The following COMP variants were observed in gnomAD, a reference collection of about 807,000 sequenced individuals.
The protein encoded by COMP is cartilage oligomeric matrix protein (pseudoachondroplasia, epiphyseal dysplasia 1, multiple).
A neutral mutation model predicts 95.8 loss-of-function variants in COMP; 79 were observed. That is an observed-to-expected ratio of 0.82 (90% CI 0.69 to 0.99). The LOEUF (loss-of-function observed/expected upper bound fraction) is 0.99, where lower values mean the gene tolerates loss of function less well. Among genes scored for constraint, COMP ranks in the 50% least tolerant of loss-of-function variants. The pLI, the probability that COMP is intolerant of heterozygous loss-of-function variation, is 0.00. For missense variants in COMP, 906 were observed against 1,076.1 expected (o/e 0.84, Z 2.21); for synonymous variants, 438 against 433.9 (o/e 1.01, Z -0.12).
chr19:18,790,119 G>C lies in COMP; in HGVS notation c.218-5C>G, dbSNP rs776503662. The C allele has an allele frequency of 1.1e-4, 164 of 1,519,318 alleles. 1 individual carries two copies. Among genetic ancestry groups the C allele is most frequent in the South Asian group, 5.0e-4 (41 of 82,106 alleles). 94.1% of individuals were successfully genotyped at this position (1,519,318 alleles called of 1,614,324 possible). ...TGCGTACTGACTGCTGCATCCCTGC[G>C]GGGGGGAGGGGGGAGAAGCGGCGGG... is the stretch of plus-strand genomic sequence containing the variant. On this transcript the variant is annotated splice_polypyrimidine_tract_variant and splice_region_variant and intron_variant, in intron 3 of 18. Transcript: ENST00000222271.
rs1446036043 is a variant in COMP at position 18,788,414 on chromosome 19, C to T, written c.863G>A (p.Arg288His). ...CCCCGCTCCGCCCCCACCCACCTTACGGCACTGGCGCTCCGGGCAGCGCAG... is the reference window on the plus strand; with the variant it reads ...CCCCGCTCCGCCCCCACCCACCTTATGGCACTGGCGCTCCGGGCAGCGCAG... ...EKLRCPERQC[R>H]KDNCVTVPNS... The change falls in exon 8 of 19, where the codon CGT (arginine) becomes CAT (histidine). Residue 288 changes from arginine (R) to histidine (H), a missense_variant. Coordinates refer to ENST00000222271, the MANE Select transcript of COMP (RefSeq NM_000095.3). This position sits in a 1 kb window ranked among gnomAD's most constrained non-coding sequence, Gnocchi z 4.7. 8.5e-6 allele frequency: 6 copies of T among 704,372 alleles called. No homozygotes were observed. Among genetic ancestry groups the T allele is most frequent in the Non-Finnish European group, 1.2e-5 (5 of 423,428 alleles). The allele number at this position is 704,372 out of a possible 1,614,324, so 43.6% of individuals were successfully genotyped here.
Position 18,788,736 on chromosome 19 carries a change from G to T in COMP, c.618C>A (p.Cys206Ter). The T allele has an allele frequency of 1.3e-6, 2 of 1,556,324 alleles. No homozygotes were observed. Among genetic ancestry groups the T allele is most frequent in the Non-Finnish European group, 1.7e-6 (2 of 1,150,918 alleles). The change falls in exon 7 of 19, where the codon TGC becomes TGA. Residue 206 changes from cysteine (C) to a stop codon, truncating the protein, a stop_gained. Transcript: ENST00000222271. LOFTEE classifies it high-confidence loss of function. This position sits in a 1 kb window ranked among gnomAD's most constrained non-coding sequence, Gnocchi z 4.7. ...VCINTRGSFQ[C>*]GPCQPGFVGD... ...CCACGAAGCCGGGCTGGCACGGGCC[G>T]CACTGGAAGGAGCCCTGCGCCGGAG...
rs754522846 is a variant in COMP, at chr19:18,787,527, G to A, written c.1099C>T (p.Arg367Trp). 9 of 1,612,662 alleles carry A rather than the reference G, an allele frequency of 5.6e-6. No individual in the cohort carries two copies. Among genetic ancestry groups the A allele is most frequent in the Non-Finnish European group, 7.6e-6 (9 of 1,179,772 alleles). The change falls in exon 10 of 19, where the codon CGG (arginine) becomes TGG (tryptophan). Residue 367 changes from arginine to tryptophan, a missense_variant. Transcript: ENST00000222271. ...DDQKDTDQDGRGDACDDDIDG... is the reference protein window; with the variant it reads ...DDQKDTDQDGWGDACDDDIDG... The stretch of plus-strand genomic sequence containing the variant: ...ATGTCGTCGTCGCACGCATCGCCCC[G>A]GCCGTCCTGGTCTGTGTCCTTTTGG...
In COMP at chr19:18,789,448, G is replaced by A; in HGVS notation, c.391-151C>T. On this transcript the variant is annotated intron_variant, in intron 4 of 18. Coordinates refer to ENST00000222271, the MANE Select transcript of COMP (RefSeq NM_000095.3). This position sits in a 1 kb window ranked among gnomAD's most constrained non-coding sequence, Gnocchi z 6.1. The stretch of plus-strand genomic sequence containing the variant: ...AGCAATTGTCGCAGGGGTCAGGCAC[G>A]ACTTTGCCTTGATGACGGCAAGGGC... 1 of 924,038 alleles carries A rather than the reference G, an allele frequency of 1.1e-6. No individual in the cohort carries two copies. The highest frequency in any genetic ancestry group is 1.6e-6 in the Non-Finnish European group (1 of 641,582). 57.2% of individuals were successfully genotyped at this position (924,038 alleles called of 1,614,324 possible).
rs374714490 is a variant in COMP, at chr19:18,782,875, G to A, written c.*40C>T. 4.1e-5 allele frequency: 66 copies of A among 1,606,122 alleles called. No homozygotes were observed. The highest frequency in any genetic ancestry group is 5.0e-5 in the Admixed American group (3 of 59,990). On this transcript the variant is annotated 3_prime_UTR_variant, in exon 19 of 19. Coordinates refer to ENST00000222271, the MANE Select transcript of COMP (RefSeq NM_000095.3). ...GGTGCAGAGCCCCCATCCAGCCGCG[G>A]TGAGGGTGGCTGTCATCCGGCGGGT...
Position 18,788,952 on chromosome 19 carries a change from A to T in COMP, c.529-39T>A, listed in dbSNP as rs769059709. ...ACTCAGAGGTCACCACCCCACGCAG[A>T]CACCTCCGGACCTCCCACCTCCTCC... On this transcript the variant is annotated intron_variant, in intron 5 of 18. Transcript: ENST00000222271. The surrounding 1 kb of genome is among the most constrained non-coding windows in gnomAD (Gnocchi z 4.7). 2 of 1,602,690 alleles carry T rather than the reference A, an allele frequency of 1.2e-6. No individual in the cohort carries two copies. The highest frequency in any genetic ancestry group is 2.7e-5 in the African/African-American group (2 of 74,354).
At chr19:18,785,375 C>A (rs2055157827) in intron 15 of COMP, 123 bp downstream of exon 15, 2 of 1,357,110 alleles carry the variant, frequency 1.5e-6, no homozygotes, top group Non-Finnish European at 2.1e-6. Context: ...CTGTCCCCGC[C>A]CTTCCTGAGC....
In COMP at chr19:18,785,184, C is replaced by T. The variant is rs536371211; in HGVS notation, c.1718-92G>A. ...GAACCCAAACCTGCCCCCTGGGTCC[C>T]GATCTGCCTGCAGACCTGCACCATT... On this transcript the variant is annotated intron_variant, in intron 15 of 18. Coordinates refer to ENST00000222271, the MANE Select transcript of COMP (RefSeq NM_000095.3). 2.3e-5 allele frequency: 29 copies of T among 1,270,130 alleles called. No individual in the cohort carries two copies. In the African/African-American group the frequency reaches 3.8e-4, roughly 17 times the overall value. 78.7% of individuals were successfully genotyped at this position (1,270,130 alleles called of 1,614,324 possible).
chr19:18,791,095 T>A, intron 1 of COMP, 96 bp downstream of exon 1: 1 of 1,513,380 alleles, frequency 6.6e-7, no homozygotes. Context: ...CTACGAACAG[T>A]CCGTGAGCCC....
intron 1 of COMP, 76 bp from the exon 2 acceptor site, chr19:18,791,011 C>A: frequency 6.5e-7 from 1 of 1,535,942 alleles, no homozygotes; most frequent in Non-Finnish European, 8.8e-7. Context: ...TTGCAGCGAA[C>A]CCGGACCTCC....
chr19:18,788,299 G>C lies in COMP; in HGVS notation c.888C>G (p.Pro296=), dbSNP rs2055184753. The change falls in exon 9 of 19, where the codon CCC becomes CCG. Residue 296 remains proline, a synonymous_variant. Coordinates refer to ENST00000222271, the MANE Select transcript of COMP (RefSeq NM_000095.3). The surrounding 1 kb of genome is among the most constrained non-coding windows in gnomAD (Gnocchi z 4.7). ...GGTCCACATCCTCCTGCCCTGAGTT[G>C]GGCACAGTCACGCAGTTGTCCTGGG... ...QCRKDNCVTV[P]NSGQEDVDRD... 1 of 1,612,462 alleles carries C rather than the reference G, an allele frequency of 6.2e-7. No individual in the cohort carries two copies. Among genetic ancestry groups the C allele is most frequent in the Non-Finnish European group, 8.5e-7 (1 of 1,179,952 alleles).
Position 18,784,187 on chromosome 19 carries a change from C to A in COMP, c.2087+4G>T. 1 of 1,613,250 alleles carries A rather than the reference C, an allele frequency of 6.2e-7. No individual in the cohort carries two copies. On this transcript the variant is annotated splice_donor_region_variant and intron_variant, in intron 17 of 18. Coordinates refer to ENST00000222271, the MANE Select transcript of COMP (RefSeq NM_000095.3). The surrounding 1 kb of genome is among the most constrained non-coding windows in gnomAD (Gnocchi z 4.9). ...CAGCCCACCACAGAGGGTGGAGTCC[C>A]CACCTGATGTAGCCCACTTGGGGCC...
Position 18,786,131 on chromosome 19 carries a change from A to T in COMP, c.1323T>A (p.His441Gln). The T allele has an allele frequency of 1.2e-6, 2 of 1,614,130 alleles. No homozygotes were observed. Among genetic ancestry groups the T allele is most frequent in the Non-Finnish European group, 1.7e-6 (2 of 1,180,032 alleles). ...DSDQDQDGDGHQDSRDNCPTV... is the reference protein window; with the variant it reads ...DSDQDQDGDGQQDSRDNCPTV... ...TGGGACAGTTGTCCCGAGAGTCCTGATGTCCGTCTCCATCCCTAGAGTGGA... is the reference window on the plus strand; with the variant it reads ...TGGGACAGTTGTCCCGAGAGTCCTGTTGTCCGTCTCCATCCCTAGAGTGGA... The change falls in exon 13 of 19, where the codon CAT (histidine) becomes CAA (glutamine). Residue 441 changes from histidine to glutamine, a missense_variant. By Grantham distance (24) the His-to-Gln change is conservative (BLOSUM62 0). Coordinates refer to ENST00000222271, the MANE Select transcript of COMP (RefSeq NM_000095.3).
At position 18,790,884 on chromosome 19, in the gene COMP, G is replaced by T; in HGVS notation, c.131C>A (p.Ala44Glu). Reference protein sequence around the residue: ...MLRELQETNAALQDVRELLRQ... With the variant: ...MLRELQETNAELQDVRELLRQ... ...CAGCAGCTCCCGCACGTCCTGCAGC[G>T]CCGCGTTGGTTTCCTGCAGTTCCCG... The change falls in exon 2 of 19, where the codon GCG becomes GAG. Residue 44 changes from alanine (A) to glutamate (E), a missense_variant. Physicochemically the swap from Ala to Glu is moderately radical, Grantham distance 107. Coordinates refer to ENST00000222271, the MANE Select transcript of COMP (RefSeq NM_000095.3). 1.3e-6 allele frequency: 2 copies of T among 1,569,370 alleles called. No individual in the cohort carries two copies. Among genetic ancestry groups the T allele is most frequent in the African/African-American group, 1.4e-5 (1 of 74,046 alleles).
chr19:18,788,086 T>C lies in COMP; in HGVS notation c.975+126A>G, dbSNP rs1485407467. ...GCCCCGCTAATTTTTGTATTTTTAG[T>C]AGAGGAGGGGTTTCACCATGATGGC... is the stretch of plus-strand genomic sequence containing the variant. On this transcript the variant is annotated intron_variant, in intron 9 of 18. Transcript: ENST00000222271. The surrounding 1 kb of genome is among the most constrained non-coding windows in gnomAD (Gnocchi z 4.7). 5.1e-6 allele frequency: 4 copies of C among 791,196 alleles called. No individual in the cohort carries two copies. The African/African-American group carries it at 6.8e-5, about 14-fold the overall frequency. 49.0% of individuals were successfully genotyped at this position (791,196 alleles called of 1,614,324 possible).
At chr19:18,785,380 C>T (rs2055157847) in intron 15 of COMP, 118 bp downstream of exon 15, 1 of 1,408,352 alleles carries the variant, frequency 7.1e-7, no homozygotes, top group Non-Finnish European at 9.9e-7. Flanking sequence ...CCCGCCCTTC[C>T]TGAGCCCGGG....
At position 18,785,709 on chromosome 19, in the gene COMP, G is replaced by C. The variant is rs566112479; in HGVS notation, c.1632C>G (p.Asp544Glu). ...FQTVVLDPEGDAQIDPNWVVL... is the reference protein window; with the variant it reads ...FQTVVLDPEGEAQIDPNWVVL... Reference sequence around the variant, plus strand: ...CCACCCAGTTGGGGTCAATCTGCGCGTCACCCTCCGGGTCCAGCACGACTG... The same window carrying C: ...CCACCCAGTTGGGGTCAATCTGCGCCTCACCCTCCGGGTCCAGCACGACTG... The change falls in exon 14 of 19, where the codon GAC becomes GAG. Residue 544 changes from aspartate (D) to glutamate (E), a missense_variant. Coordinates refer to ENST00000222271, the MANE Select transcript of COMP (RefSeq NM_000095.3). 22 of 1,613,364 alleles carry C rather than the reference G, an allele frequency of 1.4e-5. No homozygotes were observed. The highest frequency in any genetic ancestry group is 1.9e-5 in the Non-Finnish European group (22 of 1,180,018).
At chr19:18,790,437 A>C in intron 3 of COMP, 125 bp downstream of exon 3, 3 of 1,239,298 alleles carry the variant, frequency 2.4e-6, no homozygotes. Flanking sequence ...TCGTCCGTCC[A>C]CCTCTCCGTC....
At position 18,784,130 on chromosome 19, in the gene COMP, G is replaced by T; in HGVS notation, c.2087+61C>A. 6.3e-7 allele frequency: 1 copy of T among 1,585,614 alleles called. No individual in the cohort carries two copies. Among genetic ancestry groups the T allele is most frequent in the Non-Finnish European group, 8.6e-7 (1 of 1,156,510 alleles). ...GTCACACAGCCCCTGCCTGGCCAGG[G>T]CACTCCCACCTGGGCCTGTGTGTCC... On this transcript the variant is annotated intron_variant, in intron 17 of 18. Coordinates refer to ENST00000222271, the MANE Select transcript of COMP (RefSeq NM_000095.3). The surrounding 1 kb of genome is among the most constrained non-coding windows in gnomAD (Gnocchi z 4.9).
Sources: allele counts gnomAD v4.1 joint callset, GRCh38; gene constraint gnomAD v4.1.1; non-coding constraint Gnocchi (gnomAD v3.1); transcripts MANE v1.5; gene names NCBI Gene and HGNC (gene_info 2026-07-23, HGNC 2026-07-21).